ERCC6: variants seen among roughly 807,000 people sequenced by gnomAD.
ERCC6 encodes the protein ERCC excision repair 6, chromatin remodeling factor.
ERCC6 carries 116 observed loss-of-function variants against 158.7 expected under a neutral mutation model. The ratio of observed to expected loss-of-function variants is 0.73; its 90% CI spans 0.63 to 0.85. The LOEUF (loss-of-function observed/expected upper bound fraction) is 0.85. Among genes scored for constraint, ERCC6 ranks in the 40% least tolerant of loss-of-function variants. The probability of loss-of-function intolerance (pLI) is 0.00; values close to 1 mark genes in which losing one functional copy is unlikely to be tolerated. For missense variants in ERCC6, 1,698 were observed against 1,799.4 expected (o/e 0.94, Z 1.02); for synonymous variants, 678 against 659.3 (o/e 1.03, Z -0.43).
intron 7 of ERCC6, among the ~76,000 whole-genome samples, chr10:49,499,966 C>G (rs1351127860): frequency 6.6e-6 from 1 of 152,018 alleles, no homozygotes; most frequent in African/African-American, 2.4e-5. Flanking sequence ...AGGGATCAGA[C>G]AAGTAACTTC....
intron 12 of ERCC6, chr10:49,475,526 A>G: frequency 2.6e-6 from 1 of 387,480 alleles, no homozygotes; most frequent in South Asian, 2.0e-5. Context: ...ATGAAATAAG[A>G]AATTGTGAGA....
chr10:49,523,083 A>G (rs1303176386), intron 5 of ERCC6, among the ~76,000 whole-genome samples: 1 of 152,256 alleles, frequency 6.6e-6, no homozygotes, highest in Non-Finnish European at 1.5e-5. Context: ...ACAAAGGCCA[A>G]TAAATACAAC....
At position 49,483,368 on chromosome 10, in the gene ERCC6, G is replaced by A. The variant is rs1590418218; in HGVS notation, c.1970C>T (p.Ala657Val). Residue 657 changes from alanine to valine, a missense_variant, in exon 9 of 21, where the codon GCT (alanine) becomes GTT (valine). Ala to Val is a moderately conservative substitution (Grantham distance 64). Transcript: ENST00000355832. ...TACCTGTTTGCAAGCAAGGGTGACA[G>A]CAGCATTTGGATTTCGAATTTTGTG... ...EGHKIRNPNA[A>V]VTLACKQFRT... 6.2e-7 allele frequency: 1 copy of A among 1,614,136 alleles called. No homozygotes were observed. Among genetic ancestry groups the A allele is most frequent in the South Asian group, 1.1e-5 (1 of 91,082 alleles).
At chr10:49,464,911 C>T (rs968610117) in intron 18 of ERCC6, among the ~76,000 whole-genome samples, 9 of 152,228 alleles carry the variant, frequency 5.9e-5, no homozygotes, top group Non-Finnish European at 7.3e-5. Flanking sequence ...GAGAATCTCT[C>T]CTAGGGCAGT....
downstream of ERCC6, among the ~76,000 whole-genome samples, chr10:49,452,273 G>A (rs143125249): frequency 2.4e-3 from 368 of 151,908 alleles, 2 homozygotes; most frequent in African/African-American, 8.2e-3. Flanking sequence ...AGCTGCATCC[G>A]TACAGTTTAC....
rs569800283 is a variant in ERCC6 at position 49,457,367 on chromosome 10, A to C, written c.*1448T>G. ...ATGAACAAGCTATAATCCAAAAAAA[A>C]CTAGAAAATCCTGACAGGAATCATA... On this transcript the variant is annotated 3_prime_UTR_variant, in exon 21 of 21. Transcript: ENST00000355832. The C allele has an allele frequency of 3.9e-5, 6 of 152,340 alleles. No homozygotes were observed. Among genetic ancestry groups the C allele is most frequent in the Non-Finnish European group, 5.9e-5 (4 of 68,030 alleles). 9.4% of individuals were successfully genotyped at this position (152,340 alleles called of 1,614,324 possible).
At chr10:49,495,264 C>T (rs891429379) in intron 7 of ERCC6, among the ~76,000 whole-genome samples, 4 of 152,116 alleles carry the variant, frequency 2.6e-5, no homozygotes, top group African/African-American at 9.7e-5. Context: ...CAACAACACT[C>T]AGCTCATGCT....
the ERCC6 span, among the ~76,000 whole-genome samples, chr10:49,440,579 G>A: frequency 3.9e-5 from 6 of 152,158 alleles, no homozygotes; most frequent in African/African-American, 1.2e-4. Flanking sequence ...GTCTTTAAGG[G>A]AAAAAGAAAA....
intron 10 of ERCC6, among the ~76,000 whole-genome samples, chr10:49,481,771 G>A (rs1590416567): frequency 6.6e-6 from 1 of 152,144 alleles, no homozygotes; most frequent in African/African-American, 2.4e-5. Flanking sequence ...CCATCTCCTC[G>A]ATCCTGTCAG....
rs1850496339 is a variant in ERCC6, at chr10:49,457,123, T to A, written c.*1692A>T. 1 of 152,214 alleles carries A rather than the reference T, an allele frequency of 6.6e-6. No individual in the cohort carries two copies. The highest frequency in any genetic ancestry group is 2.4e-5 in the African/African-American group (1 of 41,462). The allele number at this position is 152,214 out of a possible 1,614,324, so 9.4% of individuals were successfully genotyped here. Reference sequence around the variant, plus strand: ...AAGACACAATTTCCTTATAGGCTAATGATTATAAAAATAGAAATTAAGAGC... The same window carrying A: ...AAGACACAATTTCCTTATAGGCTAAAGATTATAAAAATAGAAATTAAGAGC... On this transcript the variant is annotated 3_prime_UTR_variant, in exon 21 of 21. Coordinates refer to ENST00000355832, the MANE Select transcript of ERCC6 (RefSeq NM_000124.4).
intron 5 of ERCC6, among the ~76,000 whole-genome samples, chr10:49,513,349 C>T (rs934255268): frequency 5.9e-5 from 9 of 152,150 alleles, no homozygotes; most frequent in African/African-American, 1.9e-4. Flanking sequence ...ATACATATTT[C>T]TTAATTGGGT....
intron 5 of ERCC6, among the ~76,000 whole-genome samples, chr10:49,519,533 T>C (rs549191820): frequency 8.5e-5 from 13 of 152,330 alleles, no homozygotes; most frequent in African/African-American, 3.1e-4. Context: ...CTTCAGGCTA[T>C]GCATTTAGCA....
chr10:49,483,538 A>G (rs775140608), intron 8 of ERCC6, 22 bp from the exon 9 acceptor site: 3 of 1,612,966 alleles, frequency 1.9e-6, no homozygotes, highest in Non-Finnish European at 2.5e-6. Flanking sequence ...ATAAAATGGT[A>G]AAGTCAGTTT....
At chr10:49,483,603 A>G (rs1851020565) in intron 8 of ERCC6, 87 bp from the exon 9 acceptor site, 2 of 1,307,480 alleles carry the variant, frequency 1.5e-6, no homozygotes, top group Non-Finnish European at 2.2e-6. Context: ...ACTTTATAAA[A>G]ATGCACAAAT....
intron 7 of ERCC6, among the ~76,000 whole-genome samples, chr10:49,493,760 G>A (rs1221151773): frequency 1.3e-5 from 2 of 152,202 alleles, no homozygotes; most frequent in South Asian, 2.1e-4. Flanking sequence ...GCATGGCCCA[G>A]GTGACATGGC....
intron 5 of ERCC6, among the ~76,000 whole-genome samples, chr10:49,513,482 A>T (rs546104638): frequency 6.6e-6 from 1 of 152,184 alleles, no homozygotes; most frequent in East Asian, 1.9e-4. Flanking sequence ...ATATTGTATG[A>T]GTCCATTTTC....
At chr10:49,453,650 T>C (rs1255599009), downstream of ERCC6, among the ~76,000 whole-genome samples, 5 of 152,214 alleles carry the variant, frequency 3.3e-5, no homozygotes, top group Non-Finnish European at 5.9e-5. Context: ...GAACTTCATT[T>C]AATACTTCTT....
chr10:49,474,262 A>G lies in ERCC6; in HGVS notation c.2383-20T>C, dbSNP rs770782370. 4 of 1,587,166 alleles carry G rather than the reference A, an allele frequency of 2.5e-6. No homozygotes were observed. The highest frequency in any genetic ancestry group is 3.5e-6 in the Non-Finnish European group (4 of 1,155,722). On this transcript the variant is annotated intron_variant, in intron 12 of 20. Transcript: ENST00000355832. ...GAAAATCTGTGGTAAGAAAGAGTAC[A>G]TGTACACTCAGATGACCCCATGTAA...
chr10:49,530,919 ACATGTCC>A, intron 2 of ERCC6, 79 bp from the exon 3 acceptor site: 1 of 1,572,284 alleles, frequency 6.4e-7, no homozygotes, highest in Non-Finnish European at 8.6e-7. Context: ...AATGCTAAAA[ACATGTCC>A]CTTTTACTTC....
Sources: gnomAD v4.1 joint callset for allele counts (sites outside exome capture counted in the v4.1 genomes callset) on GRCh38, gnomAD v4.1.1 for gene constraint, MANE v1.5 for transcripts, NCBI Gene and HGNC (gene_info 2026-07-23, HGNC 2026-07-21) for gene names.